The following TGM3 variants were observed in gnomAD, a reference collection of about 807,000 sequenced individuals.
TGM3 encodes protein-glutamine gamma-glutamyltransferase E.
In TGM3, 52 loss-of-function variants were observed where a neutral mutation model predicts 73.8. That is an observed-to-expected ratio of 0.70 (90% CI 0.56 to 0.89). The LOEUF is 0.89. TGM3 is among the 40% of genes least tolerant of loss of function. The pLI is 0.00. For missense variants in TGM3, 928 were observed against 909.9 expected (o/e 1.02, Z -0.26); for synonymous variants, 372 against 354.9 (o/e 1.05, Z -0.54).
chr20:2,317,388 A>G lies in TGM3; in HGVS notation c.886A>G (p.Asn296Asp), dbSNP rs1055871365. The part of the protein sequence containing the change: ...SLGIPSRVIT[N>D]FNSAHDTDRN... Reference sequence around the variant, plus strand: ...GGGGATTCCTTCCCGGGTGATCACCAACTTCAACTCAGCTCATGACACAGA... The same window carrying G: ...GGGGATTCCTTCCCGGGTGATCACCGACTTCAACTCAGCTCATGACACAGA... Residue 296 changes from asparagine to aspartate, a missense_variant, in exon 7 of 13, where the codon AAC becomes GAC. Asn to Asp is a conservative substitution (Grantham distance 23). Transcript: ENST00000381458. 6.2e-7 allele frequency: 1 copy of G among 1,614,206 alleles called. No individual in the cohort carries two copies. Among genetic ancestry groups the G allele is most frequent in the Non-Finnish European group, 8.5e-7 (1 of 1,180,024 alleles).
At chr20:2,311,162 T>G (rs1418375267) in intron 4 of TGM3, 33 bp downstream of exon 4, 9 of 1,561,702 alleles carry the variant, frequency 5.8e-6, no homozygotes, top group Non-Finnish European at 7.9e-6. Flanking sequence ...AAGGGTAATG[T>G]CCCTGTTACC....
Position 2,340,487 on chromosome 20 carries a change from C to T in TGM3, c.1988C>T (p.Pro663Leu), listed in dbSNP as rs369393628. 1.5e-5 allele frequency: 24 copies of T among 1,614,050 alleles called. No individual in the cohort carries two copies. The highest frequency in any genetic ancestry group is 1.9e-5 in the Non-Finnish European group (22 of 1,180,030). The stretch of plus-strand genomic sequence containing the variant: ...TCCCGGGTCCGTTTTGATATCCTGC[C>T]CTCCCGGAGTGGCACCAAGCAACTG... ...EGSRVRFDIL[P>L]SRSGTKQLLA... Residue 663 changes from proline to leucine, a missense_variant, in exon 13 of 13, where the codon CCC becomes CTC. By Grantham distance (98) the Pro-to-Leu change is moderately conservative (BLOSUM62 -3). Coordinates refer to ENST00000381458, the MANE Select transcript of TGM3 (RefSeq NM_003245.4).
At chr20:2,336,868 C>T (rs148554178) in intron 11 of TGM3, among the ~76,000 whole-genome samples, 1,665 of 152,204 alleles carry the variant, frequency 0.011, 9 homozygotes, top group African/African-American at 0.018. Flanking sequence ...GTCACTGGGA[C>T]AATAAATTAC....
intron 7 of TGM3, among the ~76,000 whole-genome samples, chr20:2,323,954 T>C (rs2084274394): frequency 6.6e-6 from 1 of 152,258 alleles, no homozygotes; most frequent in African/African-American, 2.4e-5. Context: ...AAGGAAAGTA[T>C]GCTTTCTCTT....
At chr20:2,331,005 C>CAAAAAAAAAAAAAAAAAAAAAGAGGAGAA (rs2084317842) in intron 9 of TGM3, among the ~76,000 whole-genome samples, 1 of 65,480 alleles carries the variant, frequency 1.5e-5, no homozygotes, top group African/African-American at 4.7e-5. Context: ...GACCCTGTCA[C>CAAAAAAAAAAAAAAAAAAAAAGAGGAGAA]AAAAAAAAAA....
At chr20:2,298,210 T>C (rs1413942539) in intron 1 of TGM3, among the ~76,000 whole-genome samples, 1 of 151,934 alleles carries the variant, frequency 6.6e-6, no homozygotes, top group African/African-American at 2.4e-5. Flanking sequence ...TCAGAAGGGG[T>C]TCCATTATTC....
Position 2,317,256 on chromosome 20 carries a change from T to C in TGM3, c.847+11T>C, listed in dbSNP as rs549450324. 2 of 1,613,952 alleles carry C rather than the reference T, an allele frequency of 1.2e-6. No individual in the cohort carries two copies. Among genetic ancestry groups the C allele is most frequent in the East Asian group, 4.5e-5 (2 of 44,870 alleles). On this transcript the variant is annotated intron_variant, in intron 6 of 12. Transcript: ENST00000381458. The stretch of plus-strand genomic sequence containing the variant: ...GGACCCTCAACACAGGTACCTTGGG[T>C]GTGGTGTGCCTTGGCTGGGTCAGTG...
chr20:2,310,489 T>A, intron 3 of TGM3, 72 bp downstream of exon 3: 1 of 1,575,988 alleles, frequency 6.3e-7, no homozygotes, highest in Non-Finnish European at 8.6e-7. Flanking sequence ...GGGGAAATGA[T>A]CTTCACAGGC....
In TGM3 at chr20:2,329,388, C is replaced by T. The variant is rs547970517; in HGVS notation, c.1333+1023C>T. 5.3e-4 allele frequency among the ~76,000 whole-genome samples: 81 copies of T among 152,286 alleles called. 1 individual carries two copies. The highest frequency in any genetic ancestry group is 1.9e-3 in the African/African-American group (78 of 41,544). On this transcript the variant is annotated intron_variant, in intron 9 of 12. Transcript: ENST00000381458. ...CCCCCCAGGTGCTGGTATTTGTGAA[C>T]ATTTGGAGGCACAGTTTTAGGGTTA...
chr20:2,330,667 A>G (rs1312276286), intron 9 of TGM3, among the ~76,000 whole-genome samples: 1 of 152,174 alleles, frequency 6.6e-6, no homozygotes, highest in Non-Finnish European at 1.5e-5. Flanking sequence ...TGCAAATCAC[A>G]TGTAATTTAT....
chr20:2,303,026 G>A (rs1600690560), intron 1 of TGM3, among the ~76,000 whole-genome samples: 2 of 152,282 alleles, frequency 1.3e-5, no homozygotes, highest in South Asian at 4.1e-4. Context: ...AGGGCCGAGC[G>A]AGGTGGCTCA....
rs187613662 is a variant in TGM3 at position 2,301,070 on chromosome 20, C to T, written c.7+5000C>T. On this transcript the variant is annotated intron_variant, in intron 1 of 12. Transcript: ENST00000381458. Reference sequence around the variant, plus strand: ...TCTGGGGCTCATTTCTCTTCATCCTCACCAGCCCCTTACTCTCCCTGAATG... The same window carrying T: ...TCTGGGGCTCATTTCTCTTCATCCTTACCAGCCCCTTACTCTCCCTGAATG... Among the ~76,000 whole-genome samples, 317 of 152,212 alleles carry T rather than the reference C, an allele frequency of 2.1e-3. 1 individual carries two copies. The highest frequency in any genetic ancestry group is 7.3e-3 in the African/African-American group (302 of 41,518).
chr20:2,328,601 G>A lies in TGM3; in HGVS notation c.1333+236G>A, dbSNP rs2084303580. On this transcript the variant is annotated intron_variant, in intron 9 of 12. Transcript: ENST00000381458. The surrounding 1 kb of genome is among the most constrained non-coding windows in gnomAD (Gnocchi z 5.2). ...AGTTTGCTGCAGGGCACAGGTGGCT[G>A]TCAACCCAGCCCATCTCCAGCTGTG... Among the ~76,000 whole-genome samples, 1 of 152,230 alleles carries A rather than the reference G, an allele frequency of 6.6e-6. No homozygotes were observed. Among genetic ancestry groups the A allele is most frequent in the Non-Finnish European group, 1.5e-5 (1 of 68,044 alleles).
rs142558578 is a variant in TGM3, at chr20:2,312,585, T to C, written c.541-313T>C. Among the ~76,000 whole-genome samples the C allele has an allele frequency of 2.0e-5, 3 of 152,280 alleles. No homozygotes were observed. In the East Asian group the frequency reaches 5.8e-4, roughly 29 times the overall value. On this transcript the variant is annotated intron_variant, in intron 4 of 12. Coordinates refer to ENST00000381458, the MANE Select transcript of TGM3 (RefSeq NM_003245.4). Reference sequence around the variant, plus strand: ...TCCCATGCATTCACTTTAAGAGAGTTTGCACAAGGTCTTATGCTTTTTTAT... The same window carrying C: ...TCCCATGCATTCACTTTAAGAGAGTCTGCACAAGGTCTTATGCTTTTTTAT...
At chr20:2,305,782 C>T (rs1284288818) in intron 1 of TGM3, among the ~76,000 whole-genome samples, 3 of 151,932 alleles carry the variant, frequency 2.0e-5, no homozygotes, top group Non-Finnish European at 4.4e-5. Flanking sequence ...GGGGTGACAA[C>T]GACCAAGGCA....
chr20:2,301,778 G>A (rs1040006787), intron 1 of TGM3, among the ~76,000 whole-genome samples: 1 of 151,884 alleles, frequency 6.6e-6, no homozygotes, highest in African/African-American at 2.4e-5. Context: ...TCAGCCCACT[G>A]CAACCTCCAC....
chr20:2,339,985 C>T lies in TGM3; in HGVS notation c.1932C>T (p.Ile644=), dbSNP rs372838802. 2.3e-5 allele frequency: 30 copies of T among 1,319,364 alleles called. No individual in the cohort carries two copies. Among genetic ancestry groups the T allele is most frequent in the East Asian group, 1.0e-4 (2 of 20,040 alleles). 81.7% of individuals were successfully genotyped at this position (1,319,364 alleles called of 1,614,324 possible). A position where few individuals can be genotyped will look rare whatever the true frequency, so the allele number is the denominator to read the frequency against. The change falls in exon 12 of 13, where the codon ATC becomes ATT. Residue 644 remains isoleucine (I), a splice_region_variant and synonymous_variant. Transcript: ENST00000381458. The part of the protein sequence containing the change: ...GSGLLLGNLK[I]DVPTLGPKEG... ...GCCTGCTGTTGGGTAACCTGAAGATCGAGTGAGTCCTGGGCCTAAGTGGCC... is the reference window on the plus strand; with the variant it reads ...GCCTGCTGTTGGGTAACCTGAAGATTGAGTGAGTCCTGGGCCTAAGTGGCC...
chr20:2,315,005 G>T (rs1320291969), intron 5 of TGM3, among the ~76,000 whole-genome samples: 1 of 152,174 alleles, frequency 6.6e-6, no homozygotes, highest in Non-Finnish European at 1.5e-5. Flanking sequence ...AAAGGAGTAA[G>T]GTGGGCCCAG....
Position 2,332,298 on chromosome 20 carries a change from G to T in TGM3, c.1630G>T (p.Asp544Tyr). The T allele has an allele frequency of 6.3e-7, 1 of 1,594,684 alleles. No individual in the cohort carries two copies. Reference sequence around the variant, plus strand: ...GAAGGACTCTGCCACAATGTCCCTGGACCCTGAGGAAGGTAACGCATCCCG... The same window carrying T: ...GAAGGACTCTGCCACAATGTCCCTGTACCCTGAGGAAGGTAACGCATCCCG... ...VWKDSATMSL[D>Y]PEEEAEHPIK... Residue 544 changes from aspartate (D) to tyrosine (Y), a missense_variant, in exon 10 of 13, where the codon GAC becomes TAC. Physicochemically the swap from Asp to Tyr is radical, Grantham distance 160. Coordinates refer to ENST00000381458, the MANE Select transcript of TGM3 (RefSeq NM_003245.4). The surrounding 1 kb of genome is among the most constrained non-coding windows in gnomAD (Gnocchi z 4.4).
Sources: allele counts gnomAD v4.1 joint callset (sites outside exome capture counted in the v4.1 genomes callset), GRCh38; gene constraint gnomAD v4.1.1; non-coding constraint Gnocchi (gnomAD v3.1); transcripts MANE v1.5; gene names NCBI Gene and HGNC (gene_info 2026-07-23, HGNC 2026-07-21).